The following NWD2 variants were observed in gnomAD, a reference collection of about 807,000 sequenced individuals.
NWD2 encodes the protein NACHT and WD repeat domain containing 2.
NWD2 carries 37 observed loss-of-function variants against 132.7 expected under a neutral mutation model. The observed-to-expected ratio is 0.28, with a 90% confidence interval of 0.21 to 0.37. The LOEUF (loss-of-function observed/expected upper bound fraction) is 0.37, where lower values mean the gene tolerates loss of function less well. Ranked by LOEUF, NWD2 falls within the 10% of genes least tolerant of loss-of-function variation. The probability of loss-of-function intolerance (pLI) is 1.00; values close to 1 mark genes in which losing one functional copy is unlikely to be tolerated. For synonymous variants in NWD2, 705 were observed against 803.0 expected, an observed-to-expected ratio of 0.88 and a Z score of 2.06; for missense variants, 1,592 against 2,122.4, an observed-to-expected ratio of 0.75 and a Z score of 4.91.
chr4:37,430,527 C>G, intron 3 of NWD2, 45 bp from the exon 4 acceptor site: 1 of 1,392,700 alleles, frequency 7.2e-7, no homozygotes, highest in South Asian at 1.2e-5. Context: ...CTAAAATGAA[C>G]TTTCTTGGTG....
chr4:37,262,073 A>C (rs1455638905), intron 1 of NWD2, among the ~76,000 whole-genome samples: 2 of 152,298 alleles, frequency 1.3e-5, no homozygotes, highest in African/African-American at 4.8e-5. Flanking sequence ...ACACCATCCA[A>C]CCAGAATAAA....
chr4:37,334,171 A>G (rs746398966), intron 2 of NWD2, among the ~76,000 whole-genome samples: 4 of 152,234 alleles, frequency 2.6e-5, no homozygotes, highest in African/African-American at 7.2e-5. Context: ...CCAAACCTAT[A>G]GAAAGATCAG....
At chr4:37,269,666 T>C (rs1475222285) in intron 1 of NWD2, among the ~76,000 whole-genome samples, 1 of 151,920 alleles carries the variant, frequency 6.6e-6, no homozygotes, top group African/African-American at 2.4e-5. Flanking sequence ...TGTGTATCAG[T>C]AGTTCATTCT....
Position 37,326,038 on chromosome 4 carries a change from T to G in NWD2, c.240+14T>G. The G allele has an allele frequency of 7.0e-7, 1 of 1,435,666 alleles. No homozygotes were observed. Among genetic ancestry groups the G allele is most frequent in the Non-Finnish European group, 9.6e-7 (1 of 1,042,510 alleles). 88.9% of individuals were successfully genotyped at this position (1,435,666 alleles called of 1,614,324 possible). A position where few individuals can be genotyped will look rare whatever the true frequency, so the allele number is the denominator to read the frequency against. On this transcript the variant is annotated intron_variant, in intron 2 of 6. Transcript: ENST00000309447. ...TTGGAATTTCAGGTAATTCTAGTGT[T>G]AATTTCATTCACAGTTATGTCCAGT...
intron 3 of NWD2, among the ~76,000 whole-genome samples, chr4:37,360,816 AG>A (rs1719967078): frequency 6.6e-6 from 1 of 152,168 alleles, no homozygotes; most frequent in Non-Finnish European, 1.5e-5. Context: ...GCATATTTAT[AG>A]GGAAGAGGGG....
intron 1 of NWD2, among the ~76,000 whole-genome samples, chr4:37,270,855 T>C (rs1245680346): frequency 1.3e-5 from 2 of 151,900 alleles, no homozygotes; most frequent in East Asian, 3.9e-4. Context: ...TATTTTCTTA[T>C]GTTTTCTTCT....
chr4:37,254,368 CAGA>C (rs1164168512), intron 1 of NWD2, among the ~76,000 whole-genome samples: 5 of 152,164 alleles, frequency 3.3e-5, no homozygotes, highest in African/African-American at 1.2e-4. Flanking sequence ...AAAACAGCTG[CAGA>C]AGATCTGTAA....
At chr4:37,274,647 A>T (rs1170413830) in intron 1 of NWD2, among the ~76,000 whole-genome samples, 9 of 152,076 alleles carry the variant, frequency 5.9e-5, no homozygotes, top group Admixed American at 1.3e-4. Context: ...ATTTTAGACC[A>T]ATATCCCTGA....
intron 3 of NWD2, among the ~76,000 whole-genome samples, chr4:37,404,779 A>C (rs541391510): frequency 6.6e-6 from 1 of 152,336 alleles, no homozygotes; most frequent in Non-Finnish European, 1.5e-5. Context: ...ATTGTGGCAG[A>C]AGGCAAAGGA....
intron 1 of NWD2, among the ~76,000 whole-genome samples, chr4:37,290,960 G>T (rs1040299495): frequency 6.6e-6 from 1 of 152,184 alleles, no homozygotes; most frequent in Non-Finnish European, 1.5e-5. Context: ...ATATGACAAG[G>T]TTTTGGTTTA....
chr4:37,399,535 A>T (rs971131766), intron 3 of NWD2, among the ~76,000 whole-genome samples: 1 of 152,196 alleles, frequency 6.6e-6, no homozygotes, highest in African/African-American at 2.4e-5. Context: ...TCCCTCATTT[A>T]ACCTGGTGGC....
At chr4:37,391,009 T>G (rs112975729) in intron 3 of NWD2, among the ~76,000 whole-genome samples, 1 of 152,224 alleles carries the variant, frequency 6.6e-6, no homozygotes. Flanking sequence ...TTAGATTCTG[T>G]GTCTCAACAC....
At position 37,286,174 on chromosome 4, in the gene NWD2, A is replaced by G. The variant is rs947025488; in HGVS notation, c.152-39762A>G. Among the ~76,000 whole-genome samples, 6 of 152,376 alleles carry G rather than the reference A, an allele frequency of 3.9e-5. No homozygotes were observed. The South Asian group carries it at 6.2e-4, about 16-fold the overall frequency. On this transcript the variant is annotated intron_variant, in intron 1 of 6. Transcript: ENST00000309447. ...GCTACCTTTAAAAATAACTTCTAAT[A>G]TGATTGGGTAAGTTAATCATTTTCG...
intron 2 of NWD2, among the ~76,000 whole-genome samples, chr4:37,345,184 G>A (rs537676103): frequency 2.6e-5 from 4 of 152,192 alleles, no homozygotes; most frequent in South Asian, 2.1e-4. Flanking sequence ...ATGAACACTC[G>A]TGTACAAGTT....
At chr4:37,311,401 T>G (rs1439497209) in intron 1 of NWD2, among the ~76,000 whole-genome samples, 1 of 151,950 alleles carries the variant, frequency 6.6e-6, no homozygotes, top group Non-Finnish European at 1.5e-5. Flanking sequence ...TGAGCATTTT[T>G]TCATGTGTCT....
intron 1 of NWD2, among the ~76,000 whole-genome samples, chr4:37,252,600 T>C (rs1717399839): frequency 6.6e-6 from 1 of 152,252 alleles, no homozygotes; most frequent in Non-Finnish European, 1.5e-5. Flanking sequence ...CCATGGGGTA[T>C]TGAATTGAGT....
chr4:37,375,638 G>A (rs1428947362), intron 3 of NWD2, among the ~76,000 whole-genome samples: 2 of 149,532 alleles, frequency 1.3e-5, no homozygotes, highest in Admixed American at 6.8e-5. Context: ...GGGCGATCTC[G>A]GCTCACTGCA....
intron 1 of NWD2, among the ~76,000 whole-genome samples, chr4:37,260,837 G>T (rs1717621827): frequency 6.6e-6 from 1 of 152,140 alleles, no homozygotes; most frequent in Admixed American, 6.5e-5. Context: ...GAAGGGATCT[G>T]ATCTTCATCC....
intron 3 of NWD2, among the ~76,000 whole-genome samples, chr4:37,386,421 T>C (rs570670440): frequency 6.6e-6 from 1 of 152,256 alleles, no homozygotes; most frequent in Admixed American, 6.5e-5. Context: ...AAGCCCTAAA[T>C]GTTGGAGTGT....
Sources: allele counts gnomAD v4.1 joint callset (sites outside exome capture counted in the v4.1 genomes callset), GRCh38; gene constraint gnomAD v4.1.1; transcripts MANE v1.5; gene names NCBI Gene and HGNC (gene_info 2026-07-23, HGNC 2026-07-21).